SNX3: variants seen among roughly 807,000 people sequenced by gnomAD.
The protein encoded by SNX3 is sorting nexin 3.
In SNX3, 5 loss-of-function variants were observed where a neutral mutation model predicts 17.7. The observed-to-expected ratio is 0.28, with a 90% CI of 0.15 to 0.59. The LOEUF is 0.59. SNX3 is among the 20% of genes least tolerant of loss of function. The pLI, the probability that SNX3 is intolerant of heterozygous loss-of-function variation, is 0.88. For synonymous variants in SNX3, 91 were observed against 76.5 expected (o/e 1.19, Z -0.99); for missense variants, 132 against 206.8 (o/e 0.64, Z 2.22).
intron 1 of SNX3, among the ~76,000 whole-genome samples, chr6:108,225,375 G>A (rs903451016): frequency 6.6e-6 from 1 of 152,136 alleles, no homozygotes; most frequent in Non-Finnish European, 1.5e-5. Context: ...GAGGTGGGCC[G>A]ATCACAAGGT....
At chr6:108,224,415 G>T (rs1470808107) in intron 1 of SNX3, among the ~76,000 whole-genome samples, 8 of 152,124 alleles carry the variant, frequency 5.3e-5, no homozygotes, top group Admixed American at 5.2e-4. Context: ...CAAGTAGCTG[G>T]GACTACAGAT....
At chr6:108,237,042 T>C (rs923619398) in intron 1 of SNX3, among the ~76,000 whole-genome samples, 1 of 152,222 alleles carries the variant, frequency 6.6e-6, no homozygotes, top group African/African-American at 2.4e-5. Context: ...AAATGGAAAG[T>C]AACTCTTTGT....
At chr6:108,240,182 C>T (rs969600565) in intron 1 of SNX3, among the ~76,000 whole-genome samples, 5 of 152,152 alleles carry the variant, frequency 3.3e-5, no homozygotes, top group African/African-American at 9.7e-5. Flanking sequence ...AACTACTCAA[C>T]TCAGTTATGA....
chr6:108,237,941 T>C (rs1414159638), intron 1 of SNX3, among the ~76,000 whole-genome samples: 1 of 149,620 alleles, frequency 6.7e-6, no homozygotes, highest in Non-Finnish European at 1.5e-5. Flanking sequence ...TCACTAAAAA[T>C]ACAAAATTAG....
chr6:108,214,399 T>C (rs1053467997), intron 3 of SNX3, 99 bp downstream of exon 3: 11 of 1,155,438 alleles, frequency 9.5e-6, no homozygotes, highest in South Asian at 8.5e-5. Flanking sequence ...AGTTAGGAAA[T>C]GGCTGAAAGA....
At chr6:108,237,349 T>C (rs1021195034) in intron 1 of SNX3, among the ~76,000 whole-genome samples, 24 of 152,216 alleles carry the variant, frequency 1.6e-4, no homozygotes, top group African/African-American at 5.1e-4. Flanking sequence ...CCAGATCCTT[T>C]ATCTCTAGCC....
At chr6:108,223,362 T>C (rs1017813306) in intron 1 of SNX3, among the ~76,000 whole-genome samples, 2 of 152,022 alleles carry the variant, frequency 1.3e-5, no homozygotes, top group Non-Finnish European at 2.9e-5. Flanking sequence ...GGTCTTGAAC[T>C]CCTGACCTCA....
rs974794941 is a variant in SNX3, at chr6:108,261,015, G to A, written c.-94C>T. On this transcript the variant is annotated 5_prime_UTR_variant, in exon 1 of 4. Coordinates refer to ENST00000230085, the MANE Select transcript of SNX3 (RefSeq NM_003795.6). ...GCTGCTGCCCGCCGTGGGGACACGGGGCTCGCGCGCAGCGGTCGCGAAGAG... is the reference window on the plus strand; with the variant it reads ...GCTGCTGCCCGCCGTGGGGACACGGAGCTCGCGCGCAGCGGTCGCGAAGAG... 16 of 1,220,672 alleles carry A rather than the reference G, an allele frequency of 1.3e-5. No individual in the cohort carries two copies. The Admixed American group carries it at 2.8e-4, about 21-fold the overall frequency. 75.6% of individuals were successfully genotyped at this position (1,220,672 alleles called of 1,614,324 possible).
At chr6:108,215,471 C>T (rs1207159352) in intron 2 of SNX3, among the ~76,000 whole-genome samples, 1 of 152,068 alleles carries the variant, frequency 6.6e-6, no homozygotes, top group East Asian at 1.9e-4. Flanking sequence ...TATTCTGTTT[C>T]CTAAATTAAG....
chr6:108,229,259 C>CA (rs778617695), intron 1 of SNX3, among the ~76,000 whole-genome samples: 2,328 of 67,922 alleles, frequency 0.034, 51 homozygotes, highest in Non-Finnish European at 0.056. Flanking sequence ...GACTCCACCT[C>CA]AAAAAAAAAA....
intron 1 of SNX3, among the ~76,000 whole-genome samples, chr6:108,254,580 G>A (rs1775977806): frequency 6.6e-6 from 1 of 152,196 alleles, no homozygotes; most frequent in African/African-American, 2.4e-5. Context: ...TTATTTGTAA[G>A]TGTCCACTAT....
At chr6:108,239,211 C>A (rs903796767) in intron 1 of SNX3, among the ~76,000 whole-genome samples, 3 of 152,070 alleles carry the variant, frequency 2.0e-5, no homozygotes, top group Non-Finnish European at 4.4e-5. Flanking sequence ...CCCTTGACAC[C>A]TTTTCTGATT....
intron 1 of SNX3, among the ~76,000 whole-genome samples, chr6:108,245,368 T>C (rs1357366967): frequency 6.6e-6 from 1 of 152,188 alleles, no homozygotes. Context: ...TGATAGGCAT[T>C]TGGGTTGGTT....
In SNX3 at chr6:108,214,582, T is replaced by C; in HGVS notation, c.299A>G (p.Gln100Arg). ...PPLPGKAFLR[Q>R]LPFRGDDGIF... ...TCCATCATCTCCTCTAAAAGGAAGC[T>C]GACGCAAAAACGCTTTCCCAGGGAG... Residue 100 changes from glutamine to arginine, a missense_variant, in exon 3 of 4, where the codon CAG becomes CGG. This residue lies in a region of SNX3 where 54 missense variants were observed against 118.0 expected (regional missense o/e 0.46). Transcript: ENST00000230085. 1 of 1,613,434 alleles carries C rather than the reference T, an allele frequency of 6.2e-7. No individual in the cohort carries two copies. The highest frequency in any genetic ancestry group is 8.5e-7 in the Non-Finnish European group (1 of 1,179,834).
At chr6:108,252,092 AAACAAAC>A (rs1481512594) in intron 1 of SNX3, 1 of 126,980 alleles carries the variant, frequency 7.9e-6, no homozygotes, top group African/African-American at 2.8e-5. Flanking sequence ...TAAAACAAAC[AAACAAAC>A]AAAAAAATGA....
rs764073482 is a variant in SNX3, at chr6:108,225,645, C to CAA, written c.163-2602_163-2601dup. Among the ~76,000 whole-genome samples, 3 of 151,020 alleles carry CAA rather than the reference C, an allele frequency of 2.0e-5. No individual in the cohort carries two copies. The South Asian group carries it at 6.3e-4, about 31-fold the overall frequency. ...AGACTCTGACTCAAACAAAACAAAA[C>CAA]AAAAAAAAGATGCTACCAAATCCAA... On this transcript the variant is annotated intron_variant, in intron 1 of 3. Coordinates refer to ENST00000230085, the MANE Select transcript of SNX3 (RefSeq NM_003795.6).
chr6:108,256,232 A>G (rs1776024175), intron 1 of SNX3, among the ~76,000 whole-genome samples: 1 of 152,214 alleles, frequency 6.6e-6, no homozygotes, highest in Non-Finnish European at 1.5e-5. Context: ...CCCTGTCTCG[A>G]AAAAATAAAT....
chr6:108,215,350 A>G (rs1358193519), intron 2 of SNX3, among the ~76,000 whole-genome samples: 1 of 123,914 alleles, frequency 8.1e-6, no homozygotes, highest in Non-Finnish European at 1.6e-5. Context: ...CTCCGTCTAG[A>G]AAAAAAAAAA....
chr6:108,219,052 G>C (rs1193806647), intron 2 of SNX3, among the ~76,000 whole-genome samples: 1 of 152,172 alleles, frequency 6.6e-6, no homozygotes, highest in African/African-American at 2.4e-5. Flanking sequence ...CAATAAAGCT[G>C]TTACTAAAAA....
Sources: allele counts gnomAD v4.1 joint callset (sites outside exome capture counted in the v4.1 genomes callset), GRCh38; gene constraint gnomAD v4.1.1; regional missense constraint gnomAD v4.1.1; transcripts MANE v1.5; gene names NCBI Gene and HGNC (gene_info 2026-07-23, HGNC 2026-07-21).